Variants in ENPP3 observed in about 807,000 individuals in gnomAD.
ENPP3 encodes the protein ectonucleotide pyrophosphatase/phosphodiesterase 3.
Under a neutral mutation model 117.8 loss-of-function variants are expected in ENPP3, and 104 were observed. That is an observed-to-expected ratio of 0.88 (90% confidence interval 0.75 to 1.04). The LOEUF (loss-of-function observed/expected upper bound fraction) is 1.04. Ranked by LOEUF, ENPP3 falls within the 50% of genes least tolerant of loss-of-function variation. The probability of loss-of-function intolerance (pLI) is 0.00; values close to 1 mark genes in which losing one functional copy is unlikely to be tolerated. For synonymous variants in ENPP3, 380 were observed against 349.9 expected (o/e 1.09, Z -0.96); for missense variants, 1,026 against 1,051.9 (o/e 0.98, Z 0.34).
Position 131,739,273 on chromosome 6 carries a change from C to T in ENPP3, c.2301-951C>T, listed in dbSNP as rs114695854. ...ATTCCTTTGGTGGAGTCAGACTTTGCACTTAAAACTTTTGAAAGCACTTTC... is the reference window on the plus strand; with the variant it reads ...ATTCCTTTGGTGGAGTCAGACTTTGTACTTAAAACTTTTGAAAGCACTTTC... On this transcript the variant is annotated intron_variant, in intron 23 of 24. Coordinates refer to ENST00000357639, the MANE Select transcript of ENPP3 (RefSeq NM_005021.5). Among the ~76,000 whole-genome samples, 246 of 152,272 alleles carry T rather than the reference C, an allele frequency of 1.6e-3. 1 individual carries two copies. Among genetic ancestry groups the T allele is most frequent in the African/African-American group, 5.7e-3 (235 of 41,546 alleles).
At chr6:131,696,930 C>T (rs756683514) in intron 15 of ENPP3, among the ~76,000 whole-genome samples, 66 of 152,098 alleles carry the variant, frequency 4.3e-4, no homozygotes, top group Admixed American at 2.7e-3. Context: ...CCACCACACC[C>T]AGCTAATTTT....
chr6:131,726,965 G>A (rs1307332968), intron 20 of ENPP3, among the ~76,000 whole-genome samples: 1 of 152,190 alleles, frequency 6.6e-6, no homozygotes, highest in East Asian at 1.9e-4. Context: ...TTGTGATAGA[G>A]AAGGCTTTCT....
intron 15 of ENPP3, among the ~76,000 whole-genome samples, chr6:131,716,928 G>A (rs560144308): frequency 2.6e-5 from 4 of 151,554 alleles, no homozygotes; most frequent in East Asian, 2.0e-4. Flanking sequence ...CCAAGATCAC[G>A]CCACTTCACT....
At chr6:131,689,094 C>G (rs961383924) in intron 14 of ENPP3, among the ~76,000 whole-genome samples, 3 of 151,884 alleles carry the variant, frequency 2.0e-5, no homozygotes, top group East Asian at 1.9e-4. Flanking sequence ...AAAGAAGAAG[C>G]CTTCTCCATA....
chr6:131,733,201 T>C (rs1780323139), intron 20 of ENPP3, among the ~76,000 whole-genome samples: 1 of 152,200 alleles, frequency 6.6e-6, no homozygotes, highest in South Asian at 2.1e-4. Flanking sequence ...ACTTAGTTTA[T>C]ATCAATATTT....
At chr6:131,695,907 C>G (rs1028701438) in intron 15 of ENPP3, among the ~76,000 whole-genome samples, 1 of 151,888 alleles carries the variant, frequency 6.6e-6, no homozygotes, top group African/African-American at 2.4e-5. Flanking sequence ...CAGAGCAAGA[C>G]TCTGTCTCAA....
In ENPP3 at chr6:131,731,317, A is replaced by G. The variant is rs544508643; in HGVS notation, c.1954-2271A>G. On this transcript the variant is annotated intron_variant, in intron 20 of 24. Transcript: ENST00000357639. ...GTCTTTCCAGTCTATAAGCTTCACT[A>G]TAGGTTGATCAGGAAGAGAACCAGC... 7.0e-4 allele frequency among the ~76,000 whole-genome samples: 106 copies of G among 152,302 alleles called. 1 individual carries two copies. The highest frequency in any genetic ancestry group is 2.5e-3 in the African/African-American group (102 of 41,562).
intron 15 of ENPP3, among the ~76,000 whole-genome samples, chr6:131,694,923 G>A (rs1216236077): frequency 6.6e-6 from 1 of 151,682 alleles, no homozygotes; most frequent in Non-Finnish European, 1.5e-5. Context: ...AGGGAATTAG[G>A]CTCCAACATT....
intron 20 of ENPP3, among the ~76,000 whole-genome samples, 162 bp from the exon 21 acceptor site, chr6:131,733,426 A>G (rs1166493396): frequency 6.6e-6 from 1 of 152,180 alleles, no homozygotes; most frequent in Non-Finnish European, 1.5e-5. Context: ...ACAGAAGAAA[A>G]CACTGCTGAA....
chr6:131,726,813 G>T (rs1666174087), intron 20 of ENPP3, among the ~76,000 whole-genome samples: 1 of 152,142 alleles, frequency 6.6e-6, no homozygotes, highest in African/African-American at 2.4e-5. Context: ...GCACTAAGTA[G>T]TACCAGGACA....
At chr6:131,718,933 G>T (rs1332473583) in intron 16 of ENPP3, among the ~76,000 whole-genome samples, 195 bp downstream of exon 16, 2 of 152,114 alleles carry the variant, frequency 1.3e-5, no homozygotes, top group Admixed American at 6.6e-5. Flanking sequence ...TATAGGCAAT[G>T]TTCAAGGTTC....
At position 131,722,366 on chromosome 6, in the gene ENPP3, C is replaced by T; in HGVS notation, c.1707C>T (p.Pro569=). The T allele has an allele frequency of 1.7e-5, 27 of 1,614,002 alleles. No homozygotes were observed. The highest frequency in any genetic ancestry group is 2.2e-5 in the Non-Finnish European group (26 of 1,179,940). ...FSVCGFANPL[P]TESLDCFCPH... ...TTTGTGGCTTTGCTAATCCATTGCC[C>T]ACAGAGTCTCTTGACTGTTTCTGCC... Residue 569 remains proline (P), a synonymous_variant, in exon 18 of 25, where the codon CCC becomes CCT. Coordinates refer to ENST00000357639, the MANE Select transcript of ENPP3 (RefSeq NM_005021.5).
chr6:131,740,394 G>A lies in ENPP3; in HGVS notation c.2457+14G>A. The A allele has an allele frequency of 6.3e-7, 1 of 1,589,692 alleles. No individual in the cohort carries two copies. Among genetic ancestry groups the A allele is most frequent in the South Asian group, 1.2e-5 (1 of 86,654 alleles). ...GAGAGCTGTCCTGTGAGTATGCTTTGGGAGGGTCCAGGACCCGAGAAAATG... is the reference window on the plus strand; with the variant it reads ...GAGAGCTGTCCTGTGAGTATGCTTTAGGAGGGTCCAGGACCCGAGAAAATG... On this transcript the variant is annotated intron_variant, in intron 24 of 24. Transcript: ENST00000357639.
intron 15 of ENPP3, among the ~76,000 whole-genome samples, chr6:131,702,431 G>C (rs1314329367): frequency 6.6e-6 from 1 of 151,912 alleles, no homozygotes; most frequent in Non-Finnish European, 1.5e-5. Context: ...ATTATTTTTT[G>C]TTATTTACTT....
At chr6:131,659,590 A>C (rs1426057475) in intron 6 of ENPP3, among the ~76,000 whole-genome samples, 2 of 152,092 alleles carry the variant, frequency 1.3e-5, no homozygotes, top group Admixed American at 6.6e-5. Flanking sequence ...AAATGACTAG[A>C]TCTGATGATT....
intron 23 of ENPP3, 112 bp from the exon 24 acceptor site, chr6:131,740,112 T>C: frequency 1.3e-6 from 1 of 765,446 alleles, no homozygotes; most frequent in East Asian, 3.2e-5. Context: ...AACTTAGAAT[T>C]ATAAGAATTA....
Position 131,718,750 on chromosome 6 carries a change from C to CTTT in ENPP3, c.1479+20_1479+22dup. 1 of 1,409,636 alleles carries CTTT rather than the reference C, an allele frequency of 7.1e-7. No individual in the cohort carries two copies. The highest frequency in any genetic ancestry group is 9.6e-7 in the Non-Finnish European group (1 of 1,036,322). The allele number at this position is 1,409,636 out of a possible 1,614,324, so 87.3% of individuals were successfully genotyped here. A position where few individuals can be genotyped will look rare whatever the true frequency, so the allele number is the denominator to read the frequency against. On this transcript the variant is annotated intron_variant, in intron 16 of 24. Transcript: ENST00000357639. The stretch of plus-strand genomic sequence containing the variant: ...TTAGGAGCATGGAGGTAACTTACTG[C>CTTT]TTTTTTTTTTAACTTTTATTTTAAG...
intron 15 of ENPP3, among the ~76,000 whole-genome samples, chr6:131,698,075 T>C (rs1779448299): frequency 6.6e-6 from 1 of 152,130 alleles, no homozygotes; most frequent in African/African-American, 2.4e-5. Context: ...TCCAGCAGTG[T>C]TAAATAAGAT....
At position 131,638,190 on chromosome 6, in the gene ENPP3, G is replaced by A. The variant is rs1350655583; in HGVS notation, c.78+728G>A. ...CCTGACTCAAAAGTCAGTCCTCCTC[G>A]TCCTTCATCCACTTGAGTGTTCATA... is the stretch of plus-strand genomic sequence containing the variant. On this transcript the variant is annotated intron_variant, in intron 1 of 24. Coordinates refer to ENST00000357639, the MANE Select transcript of ENPP3 (RefSeq NM_005021.5). Among the ~76,000 whole-genome samples, 6 of 151,896 alleles carry A rather than the reference G, an allele frequency of 4.0e-5. No individual in the cohort carries two copies. In the East Asian group the frequency reaches 7.8e-4, roughly 20 times the overall value.
Sources: gnomAD v4.1 joint callset for allele counts (sites outside exome capture counted in the v4.1 genomes callset) on GRCh38, gnomAD v4.1.1 for gene constraint, MANE v1.5 for transcripts, NCBI Gene and HGNC (gene_info 2026-07-23, HGNC 2026-07-21) for gene names.